The following CEP120 variants were observed in gnomAD, a reference collection of about 807,000 sequenced individuals.
CEP120 encodes the protein centrosomal protein of 120 kDa.
A neutral mutation model predicts 126.5 loss-of-function variants in CEP120; 113 were observed. The observed-to-expected ratio is 0.89, with a 90% CI of 0.77 to 1.04. The LOEUF is 1.04. Ranked by LOEUF, CEP120 falls within the 50% of genes least tolerant of loss-of-function variation. The pLI is 0.00. For synonymous variants in CEP120, 400 were observed against 394.3 expected, an observed-to-expected ratio of 1.01 and a Z score of -0.17; for missense variants, 1,230 against 1,155.7, an observed-to-expected ratio of 1.06 and a Z score of -0.93.
At chr5:123,355,472 G>A (rs561185038) in intron 18 of CEP120, among the ~76,000 whole-genome samples, 14 of 152,012 alleles carry the variant, frequency 9.2e-5, no homozygotes, top group African/African-American at 2.2e-4. Context: ...TTTAATGATC[G>A]CCATTCTAAC....
rs924659436 is a variant in CEP120 at position 123,376,688 on chromosome 5, T to C, written c.2358+686A>G. 2.6e-5 allele frequency among the ~76,000 whole-genome samples: 4 copies of C among 152,026 alleles called. No homozygotes were observed. The South Asian group carries it at 8.3e-4, about 31-fold the overall frequency. On this transcript the variant is annotated intron_variant, in intron 16 of 19. Transcript: ENST00000306467. ...GGGTTTTAAATGCCTTTAAGACATC[T>C]GAACAGAGATGCCAAAAAGCCAATC...
chr5:123,377,587 C>CCTG, intron 15 of CEP120, 52 bp from the exon 16 acceptor site: 1 of 1,368,636 alleles, frequency 7.3e-7, no homozygotes, highest in Non-Finnish European at 9.9e-7. Context: ...CTGCATTATA[C>CCTG]TATTCGATAT....
chr5:123,388,990 T>A (rs529064517), intron 8 of CEP120, among the ~76,000 whole-genome samples: 14 of 152,340 alleles, frequency 9.2e-5, no homozygotes, highest in Admixed American at 6.5e-4. Flanking sequence ...ACAGTAATTT[T>A]GGTTATTTTA....
At chr5:123,422,242 G>A (rs1774762615) in intron 1 of CEP120, among the ~76,000 whole-genome samples, 1 of 151,976 alleles carries the variant, frequency 6.6e-6, no homozygotes, top group Non-Finnish European at 1.5e-5. Flanking sequence ...TCATCTGTAG[G>A]ACCCCAAAAA....
intron 9 of CEP120, chr5:123,388,225 T>C (rs1772152251): frequency 3.0e-6 from 1 of 327,882 alleles, no homozygotes; most frequent in Non-Finnish European, 5.5e-6. Flanking sequence ...AATTATTATA[T>C]CAGAATAATA....
intron 18 of CEP120, among the ~76,000 whole-genome samples, chr5:123,353,119 T>C (rs1405483430): frequency 1.3e-5 from 2 of 152,068 alleles, no homozygotes; most frequent in East Asian, 3.9e-4. Context: ...TCTTGCCCTA[T>C]TACACTGGCT....
At chr5:123,369,139 G>T (rs992593473) in intron 17 of CEP120, among the ~76,000 whole-genome samples, 1 of 151,698 alleles carries the variant, frequency 6.6e-6, no homozygotes, top group Non-Finnish European at 1.5e-5. Flanking sequence ...CACACTAGAT[G>T]AATAATTTTT....
Position 123,384,543 on chromosome 5 carries a change from G to C in CEP120, c.1763+408C>G, listed in dbSNP as rs372686425. Among the ~76,000 whole-genome samples, 137 of 152,078 alleles carry C rather than the reference G, an allele frequency of 9.0e-4. No individual in the cohort carries two copies. In the Middle Eastern group the frequency reaches 0.01, roughly 11 times the overall value. On this transcript the variant is annotated intron_variant, in intron 11 of 19. Coordinates refer to ENST00000306467, the MANE Select transcript of CEP120 (RefSeq NM_001375405.1). ...GTCCTCAGACTTTTGATTTGGGGTA[G>C]GAGTAAAATATTTTAAGTGGAAAAA...
intron 1 of CEP120, among the ~76,000 whole-genome samples, chr5:123,420,689 T>G (rs1319285330): frequency 6.6e-6 from 1 of 152,194 alleles, no homozygotes; most frequent in East Asian, 1.9e-4. Context: ...AGTCTAGATG[T>G]TTCTGGAAAG....
At chr5:123,366,158 ATTTTT>A (rs948241839) in intron 17 of CEP120, among the ~76,000 whole-genome samples, 1 of 151,562 alleles carries the variant, frequency 6.6e-6, no homozygotes, top group African/African-American at 2.4e-5. Context: ...TTCCTAACTT[ATTTTT>A]TTTAAGATAT....
At chr5:123,360,700 T>A in intron 18 of CEP120, among the ~76,000 whole-genome samples, 1 of 103,822 alleles carries the variant, frequency 9.6e-6, no homozygotes, top group South Asian at 3.4e-4. Context: ...AGAAAATGGA[T>A]TAAATGGAAA....
intron 4 of CEP120, among the ~76,000 whole-genome samples, chr5:123,410,432 G>A (rs541860034): frequency 6.6e-6 from 1 of 152,304 alleles, no homozygotes; most frequent in South Asian, 2.1e-4. Flanking sequence ...CTGACTTCAA[G>A]TCTTACTTGA....
At chr5:123,422,530 G>T (rs1454063548) in intron 1 of CEP120, 1 of 1,535,574 alleles carries the variant, frequency 6.5e-7, no homozygotes, top group East Asian at 2.4e-5. Context: ...CCAGCAAGAC[G>T]TGTAAAGGGA....
chr5:123,357,726 C>A (rs990545198), intron 18 of CEP120, among the ~76,000 whole-genome samples: 1 of 152,066 alleles, frequency 6.6e-6, no homozygotes, highest in Admixed American at 6.6e-5. Context: ...CCACTGCCCT[C>A]CAACTTGGGT....
At chr5:123,386,697 A>G in intron 9 of CEP120, 30 bp from the exon 10 acceptor site, 2 of 1,344,372 alleles carry the variant, frequency 1.5e-6, no homozygotes, top group Non-Finnish European at 2.0e-6. Context: ...AAAAAAAAAA[A>G]AGCCTTAATG....
intron 4 of CEP120, among the ~76,000 whole-genome samples, chr5:123,404,369 C>T (rs1007294615): frequency 3.3e-5 from 5 of 152,144 alleles, no homozygotes; most frequent in South Asian, 2.1e-4. Flanking sequence ...GTTTATGGTG[C>T]CTAGAGGTCA....
At chr5:123,394,856 A>G (rs1312073931) in intron 5 of CEP120, among the ~76,000 whole-genome samples, 1 of 152,228 alleles carries the variant, frequency 6.6e-6, no homozygotes, top group Non-Finnish European at 1.5e-5. Context: ...CCCTAACTCT[A>G]GTTCCATCAG....
intron 17 of CEP120, among the ~76,000 whole-genome samples, chr5:123,368,960 G>GT (rs540589851): frequency 2.8e-4 from 42 of 151,066 alleles, no homozygotes; most frequent in East Asian, 9.8e-4. Context: ...TGTTACCTAG[G>GT]TTTTTTTTTC....
rs1200554599 is a variant in CEP120, at chr5:123,422,935, C to A, written c.49+15G>T. On this transcript the variant is annotated intron_variant, in intron 1 of 19. Transcript: ENST00000306467. ...GGGAGGCAGCAGTTGCAAAAGCAAG[C>A]CTCAGGCTGCTCACCTTCTAGGATG... The A allele has an allele frequency of 6.8e-6, 11 of 1,613,580 alleles. No individual in the cohort carries two copies. The highest frequency in any genetic ancestry group is 9.3e-6 in the Non-Finnish European group (11 of 1,179,498).
Sources: allele counts gnomAD v4.1 joint callset (sites outside exome capture counted in the v4.1 genomes callset), GRCh38; gene constraint gnomAD v4.1.1; transcripts MANE v1.5; gene names NCBI Gene and HGNC (gene_info 2026-07-23, HGNC 2026-07-21).